The following CAMK2D variants were observed in gnomAD, a reference collection of about 807,000 sequenced individuals.
CAMK2D encodes the protein calcium/calmodulin-dependent protein kinase type II subunit delta.
In CAMK2D, 37 loss-of-function variants were observed where a neutral mutation model predicts 84.0. That is an observed-to-expected ratio of 0.44 (90% CI 0.34 to 0.58). The LOEUF is 0.58. CAMK2D is among the 20% of genes least tolerant of loss of function. The pLI, the probability that CAMK2D is intolerant of heterozygous loss-of-function variation, is 0.02. For missense variants in CAMK2D, 448 were observed against 652.5 expected (o/e 0.69, Z 3.41); for synonymous variants, 202 against 212.5 (o/e 0.95, Z 0.43).
intron 3 of CAMK2D, among the ~76,000 whole-genome samples, chr4:113,658,959 G>T (rs1484467989): frequency 6.6e-6 from 1 of 152,156 alleles, no homozygotes; most frequent in African/African-American, 2.4e-5. Context: ...GGCTGTTATG[G>T]ATCCTCGCAA....
chr4:113,656,819 A>G (rs2099202886), intron 3 of CAMK2D, among the ~76,000 whole-genome samples: 1 of 152,154 alleles, frequency 6.6e-6, no homozygotes, highest in Non-Finnish European at 1.5e-5. Context: ...AACGCTCTAA[A>G]GCAGTGACCA....
rs1553930374 is a variant in CAMK2D at position 113,526,414 on chromosome 4, A to ATATGTGTGTGTGTGTGTGTGTG, written c.601+4801_601+4802insCACACACACACACACACACATA. ...ATAAGTTTCTAAGGAGTCATTCTTG[A>ATATGTGTGTGTGTGTGTGTGTG]TGTGTGTGTGTGTGTGTGTGTGTGT... On this transcript the variant is annotated intron_variant, in intron 8 of 20. Coordinates refer to ENST00000511664, the MANE Select transcript of CAMK2D (RefSeq NM_001321571.2). 8.8e-3 allele frequency among the ~76,000 whole-genome samples: 1,321 copies of ATATGTGTGTGTGTGTGTGTGTG among 149,638 alleles called. 23 individuals carry two copies. Among genetic ancestry groups the ATATGTGTGTGTGTGTGTGTGTG allele is most frequent in the African/African-American group, 0.031 (1,248 of 40,466 alleles).
At chr4:113,699,670 G>A (rs1458077292) in intron 2 of CAMK2D, among the ~76,000 whole-genome samples, 1 of 152,056 alleles carries the variant, frequency 6.6e-6, no homozygotes, top group African/African-American at 2.4e-5. Context: ...CACATTGTGG[G>A]AACTCCAATA....
At chr4:113,480,505 G>A (rs1041245908) in intron 16 of CAMK2D, among the ~76,000 whole-genome samples, 15 of 152,002 alleles carry the variant, frequency 9.9e-5, no homozygotes, top group Non-Finnish European at 1.3e-4. Context: ...TTAACAGGTG[G>A]GGCCCTTGAG....
intron 2 of CAMK2D, among the ~76,000 whole-genome samples, chr4:113,726,264 T>C (rs1334859367): frequency 6.6e-6 from 1 of 151,926 alleles, no homozygotes; most frequent in Non-Finnish European, 1.5e-5. Flanking sequence ...GCTTTTACTC[T>C]CATTAGTTTT....
intron 17 of CAMK2D, among the ~76,000 whole-genome samples, chr4:113,462,884 T>C (rs1178803713): frequency 1.3e-5 from 2 of 152,186 alleles, no homozygotes; most frequent in Admixed American, 1.3e-4. Flanking sequence ...AGAATAATCT[T>C]ATTCTTTGGA....
At chr4:113,738,062 C>T (rs1375060274) in intron 2 of CAMK2D, among the ~76,000 whole-genome samples, 2 of 152,036 alleles carry the variant, frequency 1.3e-5, no homozygotes, top group Non-Finnish European at 2.9e-5. Flanking sequence ...TTTTTCAAAT[C>T]ACAATAAGTT....
At chr4:113,745,001 A>G (rs2099601110) in intron 2 of CAMK2D, among the ~76,000 whole-genome samples, 1 of 152,178 alleles carries the variant, frequency 6.6e-6, no homozygotes, top group Non-Finnish European at 1.5e-5. Context: ...CCCATGACTC[A>G]GCTTTGAAAC....
At chr4:113,713,678 A>G (rs1386247696) in intron 2 of CAMK2D, among the ~76,000 whole-genome samples, 4 of 151,294 alleles carry the variant, frequency 2.6e-5, no homozygotes, top group Non-Finnish European at 1.5e-5. Flanking sequence ...AATTACTGAC[A>G]ACTTCAATCA....
chr4:113,759,622 T>C (rs1166014998), intron 1 of CAMK2D, among the ~76,000 whole-genome samples: 1 of 152,230 alleles, frequency 6.6e-6, no homozygotes, highest in Non-Finnish European at 1.5e-5. Context: ...GCACACATTA[T>C]TAATCAACAA....
At chr4:113,704,036 G>A (rs2099431446) in intron 2 of CAMK2D, among the ~76,000 whole-genome samples, 2 of 148,302 alleles carry the variant, frequency 1.3e-5, no homozygotes, top group Non-Finnish European at 3.0e-5. Flanking sequence ...CACATTTTGT[G>A]ATTCATCAGA....
chr4:113,539,979 T>C (rs932893535), intron 6 of CAMK2D, among the ~76,000 whole-genome samples: 2 of 152,148 alleles, frequency 1.3e-5, no homozygotes, highest in Admixed American at 1.3e-4. Context: ...AAGATTGCTT[T>C]AAAGGGCAGC....
rs142412040 is a variant in CAMK2D, at chr4:113,465,535, G to T, written c.1205C>A (p.Ala402Asp). The T allele has an allele frequency of 6.2e-7, 1 of 1,604,474 alleles. No individual in the cohort carries two copies. Among genetic ancestry groups the T allele is most frequent in the African/African-American group, 1.3e-5 (1 of 74,786 alleles). ...IEAINNGDFE[A>D]YTKICDPGLT... Reference sequence around the variant, plus strand: ...GTAAACGTCCGCTACTCACGTGTAGGCTTCAAAGTCCCCATTGTTGATAGC... The same window carrying T: ...GTAAACGTCCGCTACTCACGTGTAGTCTTCAAAGTCCCCATTGTTGATAGC... Residue 402 changes from alanine to aspartate, a missense_variant, in exon 17 of 21, where the codon GCC becomes GAC. Around this residue, in one of 7 missense-constraint regions of CAMK2D, gnomAD observed 219 missense variants for 272.1 expected, o/e 0.80. Coordinates refer to ENST00000511664, the MANE Select transcript of CAMK2D (RefSeq NM_001321571.2).
intron 2 of CAMK2D, among the ~76,000 whole-genome samples, chr4:113,684,217 G>T (rs992120): frequency 6.6e-5 from 10 of 152,162 alleles, no homozygotes; most frequent in Non-Finnish European, 1.2e-4. Flanking sequence ...AATGAAAATT[G>T]TATCTGTAAA....
intron 4 of CAMK2D, among the ~76,000 whole-genome samples, chr4:113,582,883 G>A (rs755515423): frequency 6.6e-6 from 1 of 152,230 alleles, no homozygotes; most frequent in Non-Finnish European, 1.5e-5. Context: ...GCCAGTGGAG[G>A]GGTGGAAATG....
intron 2 of CAMK2D, among the ~76,000 whole-genome samples, chr4:113,677,873 C>T (rs1232612783): frequency 1.3e-5 from 2 of 151,254 alleles, no homozygotes; most frequent in Non-Finnish European, 2.9e-5. Flanking sequence ...GGATATCATA[C>T]TTGTGTTAAG....
At chr4:113,721,711 G>C (rs1451946853) in intron 2 of CAMK2D, among the ~76,000 whole-genome samples, 1 of 152,080 alleles carries the variant, frequency 6.6e-6, no homozygotes, top group Non-Finnish European at 1.5e-5. Flanking sequence ...TAACAAATGA[G>C]GACTGCCGTA....
At position 113,485,117 on chromosome 4, in the gene CAMK2D, T is replaced by C. The variant is rs974493278; in HGVS notation, c.1135+15346A>G. Among the ~76,000 whole-genome samples the C allele has an allele frequency of 8.5e-5, 13 of 152,354 alleles. No individual in the cohort carries two copies. In the East Asian group the frequency reaches 2.5e-3, roughly 29 times the overall value. ...AACCTCTCTAAGCTTCAGATTGTTC[T>C]TTTGAAAGACTGGGTTAATAAGACC... On this transcript the variant is annotated intron_variant, in intron 16 of 20. Transcript: ENST00000511664.
chr4:113,596,205 C>T (rs1373963265), intron 4 of CAMK2D, among the ~76,000 whole-genome samples: 3 of 152,192 alleles, frequency 2.0e-5, no homozygotes, highest in Admixed American at 6.5e-5. Context: ...GCTGAGATTA[C>T]ATCAATGCAG....
Sources: allele counts gnomAD v4.1 joint callset (sites outside exome capture counted in the v4.1 genomes callset), GRCh38; gene constraint gnomAD v4.1.1; regional missense constraint gnomAD v4.1.1; transcripts MANE v1.5; gene names NCBI Gene and HGNC (gene_info 2026-07-23, HGNC 2026-07-21).